CENPP: variants seen among roughly 807,000 people sequenced by gnomAD.
CENPP encodes the protein centromere protein P.
CENPP carries 24 observed loss-of-function variants against 35.6 expected under a neutral mutation model. That is an observed-to-expected ratio of 0.67 (90% confidence interval 0.49 to 0.95). The LOEUF (loss-of-function observed/expected upper bound fraction) is 0.95, where lower values mean the gene tolerates loss of function less well. Among genes scored for constraint, CENPP ranks in the 40% least tolerant of loss-of-function variants. The pLI is 0.00. For synonymous variants in CENPP, 120 were observed against 125.5 expected (o/e 0.96, Z 0.29); for missense variants, 332 against 345.3 (o/e 0.96, Z 0.31).
chr9:92,404,497 G>A (rs368437420), intron 5 of CENPP: 151 of 1,287,422 alleles, frequency 1.2e-4, no homozygotes, highest in Non-Finnish European at 1.4e-4. Flanking sequence ...TAAGCCTACC[G>A]TTGTAGCTGT....
intron 5 of CENPP, chr9:92,415,199 C>T: frequency 6.2e-7 from 1 of 1,613,240 alleles, no homozygotes; most frequent in African/African-American, 1.3e-5. Context: ...CCTTCTGCTC[C>T]TTCTTGTTCT....
chr9:92,522,556 T>C (rs1848142296), intron 5 of CENPP: 1 of 1,582,022 alleles, frequency 6.3e-7, no homozygotes, highest in East Asian at 2.3e-5. Context: ...TCTGTCTCTC[T>C]CTCATAGTGT....
intron 5 of CENPP, among the ~76,000 whole-genome samples, chr9:92,465,690 A>G (rs1211570898): frequency 6.6e-6 from 1 of 152,244 alleles, no homozygotes; most frequent in East Asian, 1.9e-4. Context: ...TGCACATTCC[A>G]AATAATATCC....
At chr9:92,369,365 T>G (rs1204801642) in intron 4 of CENPP, among the ~76,000 whole-genome samples, 1 of 152,172 alleles carries the variant, frequency 6.6e-6, no homozygotes, top group African/African-American at 2.4e-5. Context: ...CTGTCCCTAG[T>G]TAACTCTCTT....
intron 6 of CENPP, among the ~76,000 whole-genome samples, chr9:92,611,794 ACCAGCCCCGGCGCCAC>A (rs1851260938): frequency 6.6e-6 from 1 of 152,104 alleles, no homozygotes; most frequent in South Asian, 2.1e-4. Flanking sequence ...TGATCCCTCC[ACCAGCCCCGGCGCCAC>A]CCTGGCCCGT....
At chr9:92,425,660 T>C (rs1843946973) in intron 5 of CENPP, among the ~76,000 whole-genome samples, 1 of 152,264 alleles carries the variant, frequency 6.6e-6, no homozygotes, top group Non-Finnish European at 1.5e-5. Flanking sequence ...AGATTTATTT[T>C]GTTAAACTTT....
chr9:92,453,804 G>A (rs917800111), intron 5 of CENPP, among the ~76,000 whole-genome samples: 4 of 152,054 alleles, frequency 2.6e-5, no homozygotes, highest in South Asian at 2.1e-4. Flanking sequence ...TAAGGGAAAC[G>A]AAAATTGAAA....
At chr9:92,520,665 A>G (rs182316213) in intron 5 of CENPP, among the ~76,000 whole-genome samples, 2 of 152,366 alleles carry the variant, frequency 1.3e-5, no homozygotes, top group East Asian at 3.9e-4. Context: ...TAATGTTCAT[A>G]GCTGTGTTAT....
At chr9:92,509,268 C>T (rs1350292871) in intron 5 of CENPP, among the ~76,000 whole-genome samples, 1 of 152,124 alleles carries the variant, frequency 6.6e-6, no homozygotes, top group East Asian at 1.9e-4. Context: ...AGCCCAAGCC[C>T]TCTCAGGCAG....
chr9:92,390,740 T>C (rs867936124), intron 5 of CENPP, among the ~76,000 whole-genome samples: 1 of 152,254 alleles, frequency 6.6e-6, no homozygotes, highest in African/African-American at 2.4e-5. Flanking sequence ...TACAGGGTTA[T>C]GTTCCTGTGA....
At chr9:92,466,396 T>G (rs1287792723) in intron 5 of CENPP, 1 of 1,610,402 alleles carries the variant, frequency 6.2e-7, no homozygotes, top group East Asian at 2.2e-5. Flanking sequence ...GAATGTGTCC[T>G]TTTGTATTTT....
At chr9:92,589,339 G>A (rs1198074121) in intron 5 of CENPP, among the ~76,000 whole-genome samples, 1 of 148,926 alleles carries the variant, frequency 6.7e-6, no homozygotes, top group Non-Finnish European at 1.5e-5. Context: ...GCAAGACCCT[G>A]TCTCAAAAAA....
At chr9:92,370,011 G>C (rs1264011944) in intron 4 of CENPP, among the ~76,000 whole-genome samples, 1 of 152,138 alleles carries the variant, frequency 6.6e-6, no homozygotes, top group Non-Finnish European at 1.5e-5. Context: ...AGTTTGTTGA[G>C]TGTTTGAATC....
At chr9:92,348,726 G>T (rs932860181) in intron 4 of CENPP, among the ~76,000 whole-genome samples, 1 of 152,248 alleles carries the variant, frequency 6.6e-6, no homozygotes, top group African/African-American at 2.4e-5. Context: ...TCTGTTGGCC[G>T]TAATATCTAT....
chr9:92,329,066 T>C (rs1840655582), intron 1 of CENPP, among the ~76,000 whole-genome samples: 1 of 152,206 alleles, frequency 6.6e-6, no homozygotes, highest in African/African-American at 2.4e-5. Context: ...ATCCAGCCTT[T>C]AATGATGACT....
intron 4 of CENPP, among the ~76,000 whole-genome samples, chr9:92,352,599 G>A (rs966979026): frequency 1.6e-4 from 23 of 144,290 alleles, no homozygotes; most frequent in African/African-American, 4.8e-4. Context: ...GTAATAGGCC[G>A]TCTGCAGGCT....
intron 5 of CENPP, among the ~76,000 whole-genome samples, chr9:92,401,600 A>G (rs751413343): frequency 6.6e-6 from 1 of 152,184 alleles, no homozygotes. Context: ...GAGTAAGACT[A>G]GAGCTCCAGC....
At chr9:92,376,823 C>G (rs1361461722) in intron 4 of CENPP, among the ~76,000 whole-genome samples, 1 of 151,834 alleles carries the variant, frequency 6.6e-6, no homozygotes, top group East Asian at 1.9e-4. Flanking sequence ...GGCAGATCAC[C>G]TGAGGTCAGG....
rs1851550013 is a variant in CENPP, at chr9:92,619,373, C to T, written c.*6224C>T. 1.2e-6 allele frequency: 1 copy of T among 829,044 alleles called. No homozygotes were observed. Among genetic ancestry groups the T allele is most frequent in the African/African-American group, 1.7e-5 (1 of 59,548 alleles). 51.4% of individuals were successfully genotyped at this position (829,044 alleles called of 1,614,324 possible). A position where few individuals can be genotyped will look rare whatever the true frequency, so the allele number is the denominator to read the frequency against. On this transcript the variant is annotated 3_prime_UTR_variant, in exon 8 of 8. Transcript: ENST00000375587. ...CACATAGGCCAAGGAAGTTATGTCA[C>T]TCCGCCATGGAGTCTCTAAATATGG...
Sources: allele counts gnomAD v4.1 joint callset (sites outside exome capture counted in the v4.1 genomes callset), GRCh38; gene constraint gnomAD v4.1.1; transcripts MANE v1.5; gene names NCBI Gene and HGNC (gene_info 2026-07-23, HGNC 2026-07-21).